Variants in PLCB1 observed in about 807,000 individuals in gnomAD.
PLCB1 encodes phospholipase C beta 1.
A neutral mutation model predicts 161.8 loss-of-function variants in PLCB1; 46 were observed. The observed-to-expected ratio is 0.28, with a 90% confidence interval of 0.22 to 0.36. The LOEUF is 0.36. PLCB1 is among the 10% of genes least tolerant of loss of function. The pLI is 1.00. For missense variants in PLCB1, 1,016 were observed against 1,472.5 expected, an observed-to-expected ratio of 0.69 and a Z score of 5.07; for synonymous variants, 517 against 503.7, an observed-to-expected ratio of 1.03 and a Z score of -0.35.
At chr20:8,398,768 T>TC (rs1188577942) in intron 3 of PLCB1, among the ~76,000 whole-genome samples, 3 of 150,704 alleles carry the variant, frequency 2.0e-5, no homozygotes, top group Non-Finnish European at 1.5e-5. Flanking sequence ...AATTTGCACT[T>TC]TTTTTTTTTC....
At chr20:8,445,978 A>T (rs1260328831) in intron 3 of PLCB1, among the ~76,000 whole-genome samples, 1 of 152,234 alleles carries the variant, frequency 6.6e-6, no homozygotes, top group African/African-American at 2.4e-5. Context: ...TACCAGAGGT[A>T]CAAGGAGGAG....
chr20:8,225,952 C>T (rs1297693464), intron 2 of PLCB1, among the ~76,000 whole-genome samples: 1 of 152,158 alleles, frequency 6.6e-6, no homozygotes, highest in Non-Finnish European at 1.5e-5. Context: ...CTTTTTCAGC[C>T]TTAAGTTTCT....
intron 16 of PLCB1, among the ~76,000 whole-genome samples, chr20:8,726,178 A>T (rs911909219): frequency 6.6e-6 from 1 of 152,132 alleles, no homozygotes; most frequent in African/African-American, 2.4e-5. Flanking sequence ...TCAGAGCTAT[A>T]TAACCACCCT....
chr20:8,207,506 A>C (rs1378007414), intron 2 of PLCB1, among the ~76,000 whole-genome samples: 1 of 148,302 alleles, frequency 6.7e-6, no homozygotes, highest in Non-Finnish European at 1.5e-5. Flanking sequence ...GTCTGAAGGG[A>C]TGCTGGTGAG....
At position 8,762,664 on chromosome 20, in the gene PLCB1, A is replaced by C. The variant is rs996800152; in HGVS notation, c.2710+2204A>C. On this transcript the variant is annotated intron_variant, in intron 25 of 31. Transcript: ENST00000338037. ...TTTATTATGCAACCATAATGAGTCA[A>C]TTTGGGCCTGAAGGAAACCATTAAA... Among the ~76,000 whole-genome samples, 13 of 152,308 alleles carry C rather than the reference A, an allele frequency of 8.5e-5. 1 individual carries two copies. Among genetic ancestry groups the C allele is most frequent in the Admixed American group, 2.0e-4 (3 of 15,304 alleles).
chr20:8,876,583 A>C (rs1240724929), intron 31 of PLCB1, among the ~76,000 whole-genome samples: 1 of 152,202 alleles, frequency 6.6e-6, no homozygotes, highest in Admixed American at 6.5e-5. Context: ...CTAACAACCA[A>C]CCATAAAAAT....
intron 3 of PLCB1, among the ~76,000 whole-genome samples, chr20:8,429,071 A>G (rs1979918754): frequency 6.6e-6 from 1 of 152,110 alleles, no homozygotes; most frequent in Non-Finnish European, 1.5e-5. Flanking sequence ...GTATGCACGC[A>G]AGCAATATCT....
In PLCB1 at chr20:8,652,987, AC is replaced by A. The variant is rs1177408703; in HGVS notation, c.594+3540del. The A allele has an allele frequency of 3.3e-5, 5 of 152,066 alleles. No homozygotes were observed. The East Asian group carries it at 7.7e-4, about 23-fold the overall frequency. 9.4% of individuals were successfully genotyped at this position (152,066 alleles called of 1,614,324 possible). A position where few individuals can be genotyped will look rare whatever the true frequency, so the allele number is the denominator to read the frequency against. The stretch of plus-strand genomic sequence containing the variant: ...AAAACTGTTCCGTGTTCAAAAAATT[AC>A]CACTTTACCCACAAACTTTCTGAGA... On this transcript the variant is annotated intron_variant, in intron 7 of 31. Transcript: ENST00000338037.
intron 15 of PLCB1, among the ~76,000 whole-genome samples, chr20:8,724,196 C>T (rs996588234): frequency 2.0e-5 from 3 of 151,016 alleles, no homozygotes; most frequent in Non-Finnish European, 2.9e-5. Context: ...AAAACCTGCA[C>T]GTGTAGCCCT....
intron 9 of PLCB1, among the ~76,000 whole-genome samples, chr20:8,660,724 A>T (rs2123328412): frequency 6.6e-6 from 1 of 152,300 alleles, no homozygotes; most frequent in South Asian, 2.1e-4. Context: ...CATTTTATGA[A>T]TTTCAAATCG....
At chr20:8,523,496 C>CTATATATATATATATATATATA (rs777011717) in intron 3 of PLCB1, among the ~76,000 whole-genome samples, 2 of 51,654 alleles carry the variant, frequency 3.9e-5, no homozygotes, top group African/African-American at 8.2e-5. Flanking sequence ...CTCTCTCTCT[C>CTATATATATATATATATATATA]TATATATATA....
intron 2 of PLCB1, among the ~76,000 whole-genome samples, chr20:8,191,879 A>G (rs931203060): frequency 1.3e-5 from 2 of 151,960 alleles, no homozygotes; most frequent in Admixed American, 1.3e-4. Flanking sequence ...GATTACTGGC[A>G]CTTACTCAAG....
chr20:8,287,285 GATATA>G (rs1412482874), intron 2 of PLCB1, among the ~76,000 whole-genome samples: 1 of 152,082 alleles, frequency 6.6e-6, no homozygotes, highest in Non-Finnish European at 1.5e-5. Context: ...AGTAGCCTGT[GATATA>G]ATATATACAT....
chr20:8,361,951 A>G (rs1345308206), intron 2 of PLCB1, among the ~76,000 whole-genome samples: 2 of 152,246 alleles, frequency 1.3e-5, no homozygotes, highest in African/African-American at 4.8e-5. Flanking sequence ...ACTATTTGCA[A>G]AATGATGGAT....
At chr20:8,759,188 ATTAGG>A (rs1364774076) in intron 24 of PLCB1, among the ~76,000 whole-genome samples, 1 of 152,012 alleles carries the variant, frequency 6.6e-6, no homozygotes, top group Non-Finnish European at 1.5e-5. Context: ...TTTCCCCATG[ATTAGG>A]TTGAGGGCAT....
chr20:8,781,417 A>AC (rs1983226324), intron 27 of PLCB1, among the ~76,000 whole-genome samples: 2 of 28,072 alleles, frequency 7.1e-5, no homozygotes, highest in African/African-American at 1.2e-4. Flanking sequence ...CACACACACA[A>AC]ACACACACAC....
chr20:8,399,107 C>T (rs757199146), intron 3 of PLCB1, among the ~76,000 whole-genome samples: 45 of 145,548 alleles, frequency 3.1e-4, no homozygotes, highest in African/African-American at 1.1e-3. Context: ...AGTATGACTT[C>T]GTGATTTTCC....
rs567435128 is a variant in PLCB1 at position 8,610,986 on chromosome 20, C to A, written c.247-17308C>A. ...GAAATTTGCTAATTTAAAGAAAAATCTTAAATAAATGGTAAACTATAAATA... is the reference window on the plus strand; with the variant it reads ...GAAATTTGCTAATTTAAAGAAAAATATTAAATAAATGGTAAACTATAAATA... On this transcript the variant is annotated intron_variant, in intron 3 of 31. Coordinates refer to ENST00000338037, the MANE Select transcript of PLCB1 (RefSeq NM_015192.4). 3.3e-5 allele frequency among the ~76,000 whole-genome samples: 5 copies of A among 151,940 alleles called. No individual in the cohort carries two copies. The East Asian group carries it at 9.7e-4, about 29-fold the overall frequency.
At chr20:8,818,015 G>A (rs1317917070) in intron 31 of PLCB1, among the ~76,000 whole-genome samples, 2 of 152,160 alleles carry the variant, frequency 1.3e-5, no homozygotes, top group Non-Finnish European at 2.9e-5. Context: ...CAAGAATACA[G>A]CAAAGTATCA....
Sources: allele counts gnomAD v4.1 joint callset (sites outside exome capture counted in the v4.1 genomes callset), GRCh38; gene constraint gnomAD v4.1.1; transcripts MANE v1.5; gene names NCBI Gene and HGNC (gene_info 2026-07-23, HGNC 2026-07-21).